MGLL: variants seen among roughly 807,000 people sequenced by gnomAD.
MGLL encodes the protein monoglyceride lipase, also known as lysophospholipase homolog.
MGLL carries 7 observed loss-of-function variants against 29.1 expected under a neutral mutation model. That is an observed-to-expected ratio of 0.24 (90% CI 0.14 to 0.45). MGLL has a LOEUF of 0.45. Among genes scored for constraint, MGLL ranks in the 20% least tolerant of loss-of-function variants. MGLL has a pLI of 0.99. For synonymous variants in MGLL, 148 were observed against 168.3 expected, an observed-to-expected ratio of 0.88 and a Z score of 0.93; for missense variants, 356 against 413.6, an observed-to-expected ratio of 0.86 and a Z score of 1.21.
chr3:127,720,165 C>T lies in MGLL; in HGVS notation c.510+888G>A, dbSNP rs114214332. 2.1e-3 allele frequency among the ~76,000 whole-genome samples: 321 copies of T among 152,336 alleles called. 2 individuals are homozygous for T. The highest frequency in any genetic ancestry group is 7.2e-3 in the African/African-American group (301 of 41,574). The stretch of plus-strand genomic sequence containing the variant: ...GTTCATAGGGTAAGCCTGTGGGTGA[C>T]GGCTGCCCAGTGCACCTGGCCCCAT... On this transcript the variant is annotated intron_variant, in intron 5 of 7. Transcript: ENST00000265052.
chr3:127,791,601 GCCT>G (rs2077301763), intron 2 of MGLL, among the ~76,000 whole-genome samples: 1 of 152,136 alleles, frequency 6.6e-6, no homozygotes, highest in African/African-American at 2.4e-5. Context: ...ATCATCTCCA[GCCT>G]CCTCCCAAAA....
intron 2 of MGLL, among the ~76,000 whole-genome samples, chr3:127,812,632 A>G (rs1576320458): frequency 1.3e-5 from 2 of 152,312 alleles, no homozygotes; most frequent in South Asian, 4.2e-4. Context: ...AACGGTGGGC[A>G]ATCAACAAGC....
chr3:127,811,361 G>A (rs1262654208), intron 2 of MGLL, among the ~76,000 whole-genome samples: 1 of 152,214 alleles, frequency 6.6e-6, no homozygotes, highest in Non-Finnish European at 1.5e-5. Flanking sequence ...ACTCTTGCAA[G>A]ATGCAAACTA....
At chr3:127,806,166 C>CT (rs1197475841) in intron 2 of MGLL, among the ~76,000 whole-genome samples, 1 of 152,204 alleles carries the variant, frequency 6.6e-6, no homozygotes, top group African/African-American at 2.4e-5. Context: ...GGGAAGCCCT[C>CT]TAGCTTCTCC....
At chr3:127,736,283 A>G (rs1210742243) in intron 3 of MGLL, 6 of 985,564 alleles carry the variant, frequency 6.1e-6, no homozygotes, top group Non-Finnish European at 7.2e-6. Context: ...GTGAGATACT[A>G]TATTTTTTAA....
chr3:127,814,129 A>G (rs2077711843), intron 2 of MGLL, among the ~76,000 whole-genome samples: 1 of 152,016 alleles, frequency 6.6e-6, no homozygotes, highest in Admixed American at 6.6e-5. Context: ...TCATCACCAT[A>G]TACAAGAGAC....
At chr3:127,705,927 A>G (rs1209926665) in intron 6 of MGLL, among the ~76,000 whole-genome samples, 3 of 152,194 alleles carry the variant, frequency 2.0e-5, no homozygotes, top group Admixed American at 6.5e-5. Context: ...GATGGCTACT[A>G]TCAAAAAACA....
chr3:127,754,792 A>G (rs1559947574), intron 3 of MGLL, among the ~76,000 whole-genome samples: 1 of 152,198 alleles, frequency 6.6e-6, no homozygotes, highest in Admixed American at 6.5e-5. Flanking sequence ...AGCTGCTGAG[A>G]AAACCACACC....
At chr3:127,792,222 T>G (rs1238853574) in intron 2 of MGLL, among the ~76,000 whole-genome samples, 1 of 152,248 alleles carries the variant, frequency 6.6e-6, no homozygotes, top group Non-Finnish European at 1.5e-5. Flanking sequence ...GTTTTTTTCT[T>G]GCCCAGACCA....
intron 7 of MGLL, among the ~76,000 whole-genome samples, chr3:127,693,013 G>A (rs139838120): frequency 3.9e-5 from 6 of 152,150 alleles, no homozygotes; most frequent in Admixed American, 2.6e-4. Context: ...TGATGACTCC[G>A]GAATTTACAT....
intron 3 of MGLL, among the ~76,000 whole-genome samples, chr3:127,729,854 G>A (rs1275383572): frequency 2.6e-5 from 4 of 152,160 alleles, no homozygotes; most frequent in Non-Finnish European, 4.4e-5. Context: ...TGGTCCAAGC[G>A]CATCACTCCC....
chr3:127,810,918 G>A (rs1277087721), intron 2 of MGLL, among the ~76,000 whole-genome samples: 1 of 149,878 alleles, frequency 6.7e-6, no homozygotes, highest in East Asian at 1.9e-4. Flanking sequence ...CTGCCATACT[G>A]TAACTCCCAC....
chr3:127,726,165 AAAGAAAGAAAGAAAG>A (rs1316987473), intron 3 of MGLL, among the ~76,000 whole-genome samples: 6 of 30,738 alleles, frequency 2.0e-4, no homozygotes, highest in African/African-American at 7.4e-4. Context: ...AGAAAGAAAG[AAAGAAAGAAAGAAAG>A]AAAGAAAAGA....
chr3:127,733,046 G>T (rs890980092), intron 3 of MGLL, among the ~76,000 whole-genome samples: 1 of 152,192 alleles, frequency 6.6e-6, no homozygotes, highest in Admixed American at 6.5e-5. Context: ...ATTCCCAGAC[G>T]GTTGAGGTAT....
chr3:127,710,327 G>T (rs1272500991), intron 6 of MGLL, among the ~76,000 whole-genome samples: 1 of 152,210 alleles, frequency 6.6e-6, no homozygotes, highest in East Asian at 1.9e-4. Context: ...CAAGAGACTT[G>T]ACTGGCACAC....
intron 2 of MGLL, among the ~76,000 whole-genome samples, chr3:127,792,211 C>T (rs988797673): frequency 5.9e-5 from 9 of 152,212 alleles, no homozygotes; most frequent in Non-Finnish European, 8.8e-5. Flanking sequence ...AACCCATCCA[C>T]GTTTTTTTCT....
At chr3:127,710,339 C>T (rs1479983572) in intron 6 of MGLL, among the ~76,000 whole-genome samples, 1 of 152,228 alleles carries the variant, frequency 6.6e-6, no homozygotes, top group Non-Finnish European at 1.5e-5. Flanking sequence ...CTGGCACACA[C>T]TCAACTTCCA....
chr3:127,785,561 A>C (rs897581749), intron 2 of MGLL, among the ~76,000 whole-genome samples: 1 of 152,252 alleles, frequency 6.6e-6, no homozygotes, highest in African/African-American at 2.4e-5. Flanking sequence ...GAGGCTGTGA[A>C]CAGAGAGCAA....
chr3:127,737,020 G>A (rs572226680), intron 3 of MGLL, among the ~76,000 whole-genome samples: 3 of 152,194 alleles, frequency 2.0e-5, no homozygotes, highest in East Asian at 3.9e-4. Context: ...AATAACCCAA[G>A]CTGGGAGGGA....
Sources: gnomAD v4.1 joint callset for allele counts (sites outside exome capture counted in the v4.1 genomes callset) on GRCh38, gnomAD v4.1.1 for gene constraint, MANE v1.5 for transcripts, NCBI Gene and HGNC (gene_info 2026-07-23, HGNC 2026-07-21) for gene names.